The following RNLS variants were observed in gnomAD, a reference collection of about 807,000 sequenced individuals.
RNLS encodes the protein renalase, FAD dependent amine oxidase.
RNLS carries 39 observed loss-of-function variants against 39.8 expected under a neutral mutation model. The observed-to-expected ratio is 0.98, with a 90% CI of 0.76 to 1.28. The LOEUF (loss-of-function observed/expected upper bound fraction) is 1.28. Among genes scored for constraint, RNLS ranks in the 50% most tolerant of loss-of-function variants. The pLI is 0.00. For missense variants in RNLS, 410 were observed against 413.3 expected, an observed-to-expected ratio of 0.99 and a Z score of 0.07; for synonymous variants, 147 against 150.7, an observed-to-expected ratio of 0.98 and a Z score of 0.18.
chr10:88,177,650 T>G, the RNLS span, among the ~76,000 whole-genome samples: 1 of 152,242 alleles, frequency 6.6e-6, no homozygotes, highest in East Asian at 1.9e-4. Context: ...ATTTCCTTGC[T>G]TCTTCATATT....
intron 4 of RNLS, among the ~76,000 whole-genome samples, chr10:88,423,280 C>T (rs1182509391): frequency 2.6e-5 from 4 of 152,154 alleles, no homozygotes; most frequent in African/African-American, 4.8e-5. Context: ...ATATGCTACA[C>T]GTATGCTGAC....
chr10:88,338,898 A>T (rs1847717274), intron 5 of RNLS, among the ~76,000 whole-genome samples: 1 of 151,204 alleles, frequency 6.6e-6, no homozygotes, highest in East Asian at 2.0e-4. Context: ...AGTAGCTGGG[A>T]CTACAGGCGC....
At chr10:88,351,548 G>C (rs1377030569) in intron 5 of RNLS, among the ~76,000 whole-genome samples, 1 of 152,124 alleles carries the variant, frequency 6.6e-6, no homozygotes, top group Non-Finnish European at 1.5e-5. Flanking sequence ...GTAGATGTGT[G>C]GTATTATTTC....
chr10:88,501,579 A>C (rs1312308759), intron 4 of RNLS, among the ~76,000 whole-genome samples: 1 of 152,126 alleles, frequency 6.6e-6, no homozygotes, highest in Non-Finnish European at 1.5e-5. Context: ...TGCACCCCTG[A>C]GTTCCTCTAA....
intron 4 of RNLS, among the ~76,000 whole-genome samples, chr10:88,487,222 C>T (rs752470751): frequency 1.3e-5 from 2 of 151,902 alleles, no homozygotes; most frequent in African/African-American, 2.4e-5. Context: ...GTGGGAGGAG[C>T]GAGACAAGCA....
chr10:88,439,342 C>T (rs1335316992), intron 4 of RNLS, among the ~76,000 whole-genome samples: 1 of 152,056 alleles, frequency 6.6e-6, no homozygotes, highest in Non-Finnish European at 1.5e-5. Flanking sequence ...CCCAACACTT[C>T]CAGGTAAGTA....
chr10:88,276,185 C>T (rs1842806698), intron 6 of RNLS, among the ~76,000 whole-genome samples: 1 of 152,104 alleles, frequency 6.6e-6, no homozygotes, highest in African/African-American at 2.4e-5. Context: ...TTGTTGTTTT[C>T]TCTACATTAA....
intron 4 of RNLS, among the ~76,000 whole-genome samples, chr10:88,384,575 C>G (rs776737235): frequency 2.0e-5 from 3 of 152,130 alleles, no homozygotes; most frequent in Non-Finnish European, 4.4e-5. Context: ...AATTATAGTA[C>G]TGACTATATC....
chr10:88,486,917 T>A (rs1171049553), intron 4 of RNLS, among the ~76,000 whole-genome samples: 1 of 151,242 alleles, frequency 6.6e-6, no homozygotes, highest in Non-Finnish European at 1.5e-5. Context: ...GACACAAATG[T>A]TTATGGCAGC....
At chr10:88,369,851 C>T (rs952225947) in intron 4 of RNLS, among the ~76,000 whole-genome samples, 13 of 151,954 alleles carry the variant, frequency 8.6e-5, no homozygotes, top group East Asian at 1.9e-4. Flanking sequence ...GCTAATTTTG[C>T]GGGTGTGTAT....
the RNLS span, among the ~76,000 whole-genome samples, chr10:88,172,127 A>G: frequency 6.6e-6 from 1 of 152,228 alleles, no homozygotes; most frequent in Non-Finnish European, 1.5e-5. Context: ...TAATACTGCA[A>G]TAAACATGAG....
chr10:88,259,368 AG>A, the RNLS span: 1 of 152,242 alleles, frequency 6.6e-6, no homozygotes, highest in Middle Eastern at 3.2e-3. Flanking sequence ...TCAAACAAAA[AG>A]AAATGGGTTA....
At chr10:88,384,254 A>G (rs1388161229) in intron 4 of RNLS, among the ~76,000 whole-genome samples, 2 of 152,216 alleles carry the variant, frequency 1.3e-5, no homozygotes, top group Non-Finnish European at 2.9e-5. Context: ...AAATAATTGT[A>G]TAAGTTCATG....
At chr10:88,557,230 T>C (rs1213349310) in intron 4 of RNLS, among the ~76,000 whole-genome samples, 1 of 152,150 alleles carries the variant, frequency 6.6e-6, no homozygotes, top group Non-Finnish European at 1.5e-5. Flanking sequence ...CAAATTCTGC[T>C]TCAGATATGA....
chr10:88,380,451 C>A (rs1455103240), intron 4 of RNLS, among the ~76,000 whole-genome samples: 2 of 142,020 alleles, frequency 1.4e-5, no homozygotes, highest in Admixed American at 7.6e-5. Flanking sequence ...TCTCCGCTCA[C>A]TGCAAGCTCT....
At chr10:88,281,191 T>C (rs1420884277), downstream of RNLS, among the ~76,000 whole-genome samples, 1 of 152,214 alleles carries the variant, frequency 6.6e-6, no homozygotes, top group African/African-American at 2.4e-5. Context: ...CCTCTTTCTC[T>C]GTTCTGCTGA....
intron 4 of RNLS, among the ~76,000 whole-genome samples, chr10:88,392,465 G>C (rs1852266270): frequency 6.6e-6 from 1 of 152,196 alleles, no homozygotes; most frequent in African/African-American, 2.4e-5. Context: ...AGTGTTCAAG[G>C]TGTGCTCCAA....
chr10:88,347,671 T>C (rs1848400351), intron 5 of RNLS, among the ~76,000 whole-genome samples: 1 of 151,942 alleles, frequency 6.6e-6, no homozygotes, highest in South Asian at 2.1e-4. Context: ...CATACTGAGG[T>C]TGTAGAGAGT....
chr10:88,277,046 A>G (rs1254728644), intron 6 of RNLS, among the ~76,000 whole-genome samples: 2 of 152,210 alleles, frequency 1.3e-5, no homozygotes, highest in Non-Finnish European at 2.9e-5. Flanking sequence ...CTGTGGCACT[A>G]TTCACAATAG....
Sources: gnomAD v4.1 joint callset for allele counts (sites outside exome capture counted in the v4.1 genomes callset) on GRCh38, gnomAD v4.1.1 for gene constraint, MANE v1.5 for transcripts, NCBI Gene and HGNC (gene_info 2026-07-23, HGNC 2026-07-21) for gene names.